The following NAV1 variants were observed in gnomAD, a reference collection of about 807,000 sequenced individuals.
NAV1 encodes the protein neuron navigator 1.
Under a neutral mutation model 175.2 loss-of-function variants are expected in NAV1, and 18 were observed. The observed-to-expected ratio is 0.10, with a 90% confidence interval of 0.07 to 0.15. The LOEUF is 0.15. Ranked by LOEUF, NAV1 falls within the 10% of genes least tolerant of loss-of-function variation. The pLI, the probability that NAV1 is intolerant of heterozygous loss-of-function variation, is 1.00. For synonymous variants in NAV1, 897 were observed against 978.7 expected (o/e 0.92, Z 1.56); for missense variants, 1,731 against 2,436.6 (o/e 0.71, Z 6.10).
In NAV1 at chr1:201,813,866, G is replaced by A. The variant is rs1678847099; in HGVS notation, c.5340+608G>A. On this transcript the variant is annotated intron_variant, in intron 28 of 29. Coordinates refer to ENST00000367296, the Ensembl canonical transcript of NAV1. This position sits in a 1 kb window ranked among gnomAD's most constrained non-coding sequence, Gnocchi z 4.2. ...AGGTCAGGAGATCAGGACCATCCTGGCTAACATGGTGAAATCCCCTTTCTA... is the reference window on the plus strand; with the variant it reads ...AGGTCAGGAGATCAGGACCATCCTGACTAACATGGTGAAATCCCCTTTCTA... Among the ~76,000 whole-genome samples the A allele has an allele frequency of 6.6e-6, 1 of 152,274 alleles. No homozygotes were observed. Among genetic ancestry groups the A allele is most frequent in the South Asian group, 2.1e-4 (1 of 4,824 alleles).
chr1:201,698,583 G>A (rs1355212869), intron 1 of NAV1, among the ~76,000 whole-genome samples: 1 of 152,250 alleles, frequency 6.6e-6, no homozygotes, highest in Non-Finnish European at 1.5e-5. Flanking sequence ...AGACTGCAAA[G>A]GCCTGGTTTG....
exon 7 of NAV1, chr1:201,783,581 C>T: frequency 6.2e-7 from 1 of 1,614,176 alleles, no homozygotes; most frequent in Non-Finnish European, 8.5e-7. Context: ...CACCCCCAGT[C>T]CGGCACCCAT....
At chr1:201,649,956 G>T (rs111382758) in intron 1 of NAV1, among the ~76,000 whole-genome samples, 1 of 152,138 alleles carries the variant, frequency 6.6e-6, no homozygotes, top group Non-Finnish European at 1.5e-5. Context: ...ATTTCCCCGC[G>T]GTGTGAGGAT....
chr1:201,655,505 C>T lies in NAV1; in HGVS notation c.757+6080C>T, dbSNP rs543134501. ...TCACTGGCCCTGCGTGGGCAGGTTC[C>T]CTCCTATAGGAGGCAGACATCACCT... On this transcript the variant is annotated intron_variant, in intron 1 of 29. Transcript: ENST00000367296. 1.5e-4 allele frequency among the ~76,000 whole-genome samples: 23 copies of T among 152,342 alleles called. No individual in the cohort carries two copies. In the East Asian group the frequency reaches 4.4e-3, roughly 29 times the overall value.
At position 201,794,844 on chromosome 1, in the gene NAV1, C is replaced by T. The variant is rs531771467; in HGVS notation, c.3517+267C>T. 6 of 398,218 alleles carry T rather than the reference C, an allele frequency of 1.5e-5. No individual in the cohort carries two copies. The South Asian group carries it at 2.3e-4, about 15-fold the overall frequency. 24.7% of individuals were successfully genotyped at this position (398,218 alleles called of 1,614,324 possible). ...TAACCTTTACCTCACGGCCAAAGAG[C>T]CATCAAAGACCATCGTTAAAATAGC... On this transcript the variant is annotated intron_variant, in intron 15 of 29. Transcript: ENST00000367296.
At chr1:201,680,529 TAAATA>T (rs1337757269) in intron 1 of NAV1, among the ~76,000 whole-genome samples, 1 of 151,664 alleles carries the variant, frequency 6.6e-6, no homozygotes, top group Non-Finnish European at 1.5e-5. Context: ...AACAAATAAA[TAAATA>T]AAATAAAATA....
chr1:201,572,493 C>T lies in NAV1; in HGVS notation c.-143-16046C>T, dbSNP rs574631630. Among the ~76,000 whole-genome samples the T allele has an allele frequency of 2.6e-3, 396 of 151,840 alleles. 2 individuals are homozygous for T. Among genetic ancestry groups the T allele is most frequent in the Non-Finnish European group, 4.1e-3 (279 of 67,924 alleles). The stretch of plus-strand genomic sequence containing the variant: ...AAGCAATTCTTCTGCCTCAGCCTCC[C>T]GAGTAGCTGGGACTACAGGCACGCA... On this transcript the variant is annotated intron_variant, in intron 1 of 33. Transcript: ENST00000685211.
Position 201,561,921 on chromosome 1 carries a change from G to A in NAV1, c.-144+22579G>A, listed in dbSNP as rs79699831. On this transcript the variant is annotated intron_variant, in intron 1 of 33. Transcript: ENST00000685211. The stretch of plus-strand genomic sequence containing the variant: ...TGAGACTATCAATGGTTGGAACAAA[G>A]GCACCCAGTTAGGTTTAGGTTTGAG... 5.8e-3 allele frequency among the ~76,000 whole-genome samples: 891 copies of A among 152,350 alleles called. 8 individuals are homozygous for A. The highest frequency in any genetic ancestry group is 0.021 in the African/African-American group (854 of 41,574).
Position 201,727,258 on chromosome 1 carries a change from T to C in NAV1, c.1226+8503T>C, listed in dbSNP as rs557891953. ...GTTGTCACAGACACATTCTAGATGA[T>C]AATACATTCTTTGACAAAGAATGTA... On this transcript the variant is annotated intron_variant, in intron 3 of 29. Coordinates refer to ENST00000367296, the Ensembl canonical transcript of NAV1. Among the ~76,000 whole-genome samples the C allele has an allele frequency of 2.0e-5, 3 of 152,312 alleles. No homozygotes were observed. In the East Asian group the frequency reaches 5.8e-4, roughly 29 times the overall value.
Position 201,718,846 on chromosome 1 carries a change from G to C in NAV1, c.1226+91G>C. 1 of 1,496,532 alleles carries C rather than the reference G, an allele frequency of 6.7e-7. No individual in the cohort carries two copies. The highest frequency in any genetic ancestry group is 9.0e-7 in the Non-Finnish European group (1 of 1,106,396). The allele number at this position is 1,496,532 out of a possible 1,614,324, so 92.7% of individuals were successfully genotyped here. A position where few individuals can be genotyped will look rare whatever the true frequency, so the allele number is the denominator to read the frequency against. On this transcript the variant is annotated intron_variant, in intron 3 of 29. Transcript: ENST00000367296. This position sits in a 1 kb window ranked among gnomAD's most constrained non-coding sequence, Gnocchi z 4.8. ...TAAAAGTGGAGTGGAACCCAAAACG[G>C]GTTTTGGTTTGCTGTGCTGCTATGA... is the stretch of plus-strand genomic sequence containing the variant.
intron 1 of NAV1, among the ~76,000 whole-genome samples, chr1:201,570,683 A>G (rs1666509715): frequency 6.6e-6 from 1 of 152,234 alleles, no homozygotes; most frequent in Non-Finnish European, 1.5e-5. Flanking sequence ...GGGCCAGGGT[A>G]TGGGGGAAGC....
At chr1:201,607,905 T>TGTGTGTGTGC (rs1207441048) in intron 2 of NAV1, among the ~76,000 whole-genome samples, 1 of 146,110 alleles carries the variant, frequency 6.8e-6, no homozygotes, top group African/African-American at 2.5e-5. Context: ...TGTGTGTGTG[T>TGTGTGTGTGC]GTGTGTGTGT....
chr1:201,804,713 T>C (rs773519643), intron 17 of NAV1, among the ~76,000 whole-genome samples: 1 of 152,028 alleles, frequency 6.6e-6, no homozygotes, highest in Admixed American at 6.6e-5. Flanking sequence ...GTGGTCTGGT[T>C]GGGGGCCAAA....
intron 1 of NAV1, among the ~76,000 whole-genome samples, chr1:201,543,774 C>G (rs1665586269): frequency 6.6e-6 from 1 of 152,178 alleles, no homozygotes; most frequent in Non-Finnish European, 1.5e-5. Flanking sequence ...ATCTCTGGAA[C>G]TTTTTTACCT....
intron 15 of NAV1, among the ~76,000 whole-genome samples, chr1:201,799,301 T>G (rs531894592): frequency 6.6e-6 from 1 of 152,212 alleles, no homozygotes; most frequent in African/African-American, 2.4e-5. Flanking sequence ...AACATATATT[T>G]GCTGAATGAA....
chr1:201,556,683 A>G (rs584053), intron 1 of NAV1, among the ~76,000 whole-genome samples: 3 of 152,196 alleles, frequency 2.0e-5, no homozygotes, highest in Non-Finnish European at 4.4e-5. Flanking sequence ...CCCCAACCTT[A>G]GTCCAACCTG....
At chr1:201,597,175 T>C (rs1667371215) in intron 2 of NAV1, among the ~76,000 whole-genome samples, 1 of 152,050 alleles carries the variant, frequency 6.6e-6, no homozygotes, top group East Asian at 1.9e-4. Flanking sequence ...ATTGGTCTAG[T>C]CTAGGAGGTT....
chr1:201,788,717 C>G lies in NAV1; in HGVS notation c.3166+79C>G. 1 of 1,397,126 alleles carries G rather than the reference C, an allele frequency of 7.2e-7. No individual in the cohort carries two copies. The allele number at this position is 1,397,126 out of a possible 1,614,324, so 86.5% of individuals were successfully genotyped here. On this transcript the variant is annotated intron_variant, in intron 10 of 29. Coordinates refer to ENST00000367296, the Ensembl canonical transcript of NAV1. This position sits in a 1 kb window ranked among gnomAD's most constrained non-coding sequence, Gnocchi z 5.7. Reference sequence around the variant, plus strand: ...TCACCCACCACCTCCACTCCCACCACTCCTACCACCACACACATATATGAT... The same window carrying G: ...TCACCCACCACCTCCACTCCCACCAGTCCTACCACCACACACATATATGAT...
chr1:201,775,586 C>T (rs185384746), intron 3 of NAV1, among the ~76,000 whole-genome samples: 47 of 152,196 alleles, frequency 3.1e-4, no homozygotes, highest in Admixed American at 2.8e-3. Context: ...CACGAAGTCC[C>T]GCCAGTACAA....
Sources: gnomAD v4.1 joint callset for allele counts (sites outside exome capture counted in the v4.1 genomes callset) on GRCh38, gnomAD v4.1.1 for gene constraint, Gnocchi (gnomAD v3.1) non-coding constraint, MANE v1.5 for transcripts, NCBI Gene and HGNC (gene_info 2026-07-23, HGNC 2026-07-21) for gene names.